The following XIRP2 variants were observed in gnomAD, a reference collection of about 807,000 sequenced individuals.
XIRP2 encodes xin actin-binding repeat-containing protein 2.
XIRP2 carries 236 observed loss-of-function variants against 277.0 expected under a neutral mutation model. The ratio of observed to expected loss-of-function variants is 0.85; its 90% CI spans 0.77 to 0.95. The LOEUF (loss-of-function observed/expected upper bound fraction) is 0.95, where lower values mean the gene tolerates loss of function less well. Among genes scored for constraint, XIRP2 ranks in the 40% least tolerant of loss-of-function variants. The pLI is 0.00. For synonymous variants in XIRP2, 1,490 were observed against 1,416.5 expected (o/e 1.05, Z -1.17); for missense variants, 4,640 against 4,157.5 (o/e 1.12, Z -3.19).
intron 4 of XIRP2, among the ~76,000 whole-genome samples, chr2:167,215,974 G>A (rs1000394435): frequency 8.6e-5 from 13 of 151,524 alleles, no homozygotes; most frequent in East Asian, 1.9e-4. Context: ...CAGAAATAAC[G>A]CCGCATACCT....
At chr2:167,209,425 G>A (rs190330739) in intron 3 of XIRP2, among the ~76,000 whole-genome samples, 2 of 152,208 alleles carry the variant, frequency 1.3e-5, no homozygotes, top group East Asian at 1.9e-4. Flanking sequence ...TGAGGGAGGA[G>A]AGAGGAAGAA....
intron 2 of XIRP2, among the ~76,000 whole-genome samples, chr2:167,059,101 CTTTTTTTTTTTTT>C (rs572437575): frequency 1.0e-5 from 1 of 95,974 alleles, no homozygotes; most frequent in African/African-American, 4.8e-5. Context: ...TTTTTTTTCT[CTTTTTTTTTTTTT>C]TTTTTTTTTT....
chr2:167,188,390 T>C (rs116181989), intron 3 of XIRP2, among the ~76,000 whole-genome samples: 6,095 of 152,256 alleles, frequency 0.04, 133 homozygotes, highest in Non-Finnish European at 0.051. Flanking sequence ...AGGGTTTAAA[T>C]TTAGCCAGCT....
At chr2:167,252,654 T>C (rs1012056836) in intron 9 of XIRP2, among the ~76,000 whole-genome samples, 1 of 151,964 alleles carries the variant, frequency 6.6e-6, no homozygotes, top group African/African-American at 2.4e-5. Flanking sequence ...GTTTAAATCA[T>C]ATGGACTTAG....
At chr2:167,193,757 A>G (rs1693417592) in intron 3 of XIRP2, among the ~76,000 whole-genome samples, 1 of 151,782 alleles carries the variant, frequency 6.6e-6, no homozygotes, top group South Asian at 2.1e-4. Context: ...GCGTGCCTGT[A>G]ATCCCAGCTA....
At chr2:167,076,502 A>C (rs1689576943) in intron 2 of XIRP2, among the ~76,000 whole-genome samples, 1 of 152,248 alleles carries the variant, frequency 6.6e-6, no homozygotes, top group Non-Finnish European at 1.5e-5. Context: ...AATAATAGAC[A>C]GCTGATACAC....
intron 2 of XIRP2, among the ~76,000 whole-genome samples, chr2:167,104,440 A>G (rs1206069064): frequency 6.6e-6 from 1 of 152,106 alleles, no homozygotes; most frequent in Non-Finnish European, 1.5e-5. Flanking sequence ...CATCACATAC[A>G]CCACATATTT....
At chr2:167,089,831 A>G (rs752225614) in intron 2 of XIRP2, among the ~76,000 whole-genome samples, 44 of 152,266 alleles carry the variant, frequency 2.9e-4, no homozygotes, top group Non-Finnish European at 4.7e-4. Flanking sequence ...TGTATTATCT[A>G]AAACGTTTTT....
intron 2 of XIRP2, among the ~76,000 whole-genome samples, chr2:167,061,291 G>A (rs919195730): frequency 1.3e-5 from 2 of 152,000 alleles, no homozygotes; most frequent in Non-Finnish European, 2.9e-5. Flanking sequence ...CATGTTACCT[G>A]TAGATCAACA....
At chr2:167,207,954 A>T (rs1693908260) in intron 3 of XIRP2, among the ~76,000 whole-genome samples, 1 of 152,154 alleles carries the variant, frequency 6.6e-6, no homozygotes, top group Admixed American at 6.6e-5. Flanking sequence ...TTACACAAAG[A>T]ATGAATATTT....
At chr2:167,005,593 TA>T (rs1687483808) in intron 2 of XIRP2, among the ~76,000 whole-genome samples, 1 of 151,842 alleles carries the variant, frequency 6.6e-6, no homozygotes, top group African/African-American at 2.4e-5. Flanking sequence ...GAGAAGGCTT[TA>T]GAATGAATTA....
Position 167,251,445 on chromosome 2 carries a change from T to C in XIRP2, c.10053T>C (p.Asn3351=). 1 of 1,613,504 alleles carries C rather than the reference T, an allele frequency of 6.2e-7. No individual in the cohort carries two copies. The highest frequency in any genetic ancestry group is 8.5e-7 in the Non-Finnish European group (1 of 1,179,660). The change falls in exon 9 of 11, where the codon AAT becomes AAC. Residue 3351 remains asparagine, a synonymous_variant. Coordinates refer to ENST00000409195, the MANE Select transcript of XIRP2 (RefSeq NM_152381.6). ...EHGPVSEAKS[N]RRVYAKGETN... ...GCCCAGTTTCTGAAGCAAAGTCAAATAGAAGAGTTTATGCAAAGGGAGAAA... is the reference window on the plus strand; with the variant it reads ...GCCCAGTTTCTGAAGCAAAGTCAAACAGAAGAGTTTATGCAAAGGGAGAAA...
intron 3 of XIRP2, among the ~76,000 whole-genome samples, chr2:167,169,009 TTG>T (rs879430012): frequency 6.6e-5 from 10 of 152,180 alleles, no homozygotes; most frequent in Non-Finnish European, 1.3e-4. Flanking sequence ...GACTTTGAGT[TTG>T]TCTCTTCAGA....
intron 2 of XIRP2, among the ~76,000 whole-genome samples, chr2:167,021,095 T>A (rs570412818): frequency 6.6e-6 from 1 of 152,198 alleles, no homozygotes; most frequent in Admixed American, 6.6e-5. Context: ...TTATTTTTAA[T>A]TGTGATGAGC....
At chr2:167,201,186 GAGAGAAAGAAAGAAAGAAAGAAAGAA>G (rs1413302055) in intron 3 of XIRP2, among the ~76,000 whole-genome samples, 12 of 116,718 alleles carry the variant, frequency 1.0e-4, no homozygotes, top group East Asian at 7.9e-4. Context: ...GAAAGAGAGA[GAGAGAAAGAAAGAAAGAAAGAAAGAA>G]AGAAAGAAAG....
chr2:167,081,768 G>A (rs1689743475), intron 2 of XIRP2, among the ~76,000 whole-genome samples: 1 of 152,068 alleles, frequency 6.6e-6, no homozygotes, highest in Admixed American at 6.6e-5. Flanking sequence ...AGGTGTAATT[G>A]GCTTTGATGT....
chr2:167,006,316 TTCAATG>T (rs1195049670), intron 2 of XIRP2, among the ~76,000 whole-genome samples: 1 of 151,566 alleles, frequency 6.6e-6, no homozygotes, highest in Non-Finnish European at 1.5e-5. Context: ...GAGCCCACAG[TTCAATG>T]GTGGGGCGGG....
chr2:167,201,202 G>T (rs1164589014), intron 3 of XIRP2, among the ~76,000 whole-genome samples: 2 of 52,916 alleles, frequency 3.8e-5, no homozygotes, highest in Non-Finnish European at 7.3e-5. Context: ...AAGAAAGAAA[G>T]AAAGAAAGAA....
At chr2:166,940,265 C>T (rs878913603) in intron 2 of XIRP2, among the ~76,000 whole-genome samples, 1 of 152,182 alleles carries the variant, frequency 6.6e-6, no homozygotes, top group Admixed American at 6.5e-5. Flanking sequence ...GCATTCATCA[C>T]GTAGTTCTCA....
Sources: gnomAD v4.1 joint callset for allele counts (sites outside exome capture counted in the v4.1 genomes callset) on GRCh38, gnomAD v4.1.1 for gene constraint, MANE v1.5 for transcripts, NCBI Gene and HGNC (gene_info 2026-07-23, HGNC 2026-07-21) for gene names.